The following FSTL5 variants were observed in gnomAD, a reference collection of about 807,000 sequenced individuals.
FSTL5 encodes the protein follistatin-related protein 5.
A neutral mutation model predicts 89.1 loss-of-function variants in FSTL5; 62 were observed. That is an observed-to-expected ratio of 0.70 (90% CI 0.57 to 0.86). The LOEUF is 0.86. FSTL5 is among the 40% of genes least tolerant of loss of function. FSTL5 has a pLI of 0.00. For synonymous variants in FSTL5, 383 were observed against 346.2 expected (o/e 1.11, Z -1.18); for missense variants, 1,057 against 1,001.6 (o/e 1.06, Z -0.75).
At chr4:161,779,821 A>ATGTATATATATATATATATATATATG (rs1267702879) in intron 4 of FSTL5, among the ~76,000 whole-genome samples, 12 of 63,352 alleles carry the variant, frequency 1.9e-4, no homozygotes, top group East Asian at 5.3e-4. Flanking sequence ...GTATATATAT[A>ATGTATATATATATATATATATATATG]TATATATATA....
At chr4:161,420,648 T>C (rs1731954221) in intron 15 of FSTL5, among the ~76,000 whole-genome samples, 1 of 151,718 alleles carries the variant, frequency 6.6e-6, no homozygotes, top group African/African-American at 2.4e-5. Context: ...ACCATATATA[T>C]GCTGTATATG....
At chr4:162,082,825 T>G (rs1579012743) in intron 2 of FSTL5, among the ~76,000 whole-genome samples, 1 of 151,602 alleles carries the variant, frequency 6.6e-6, no homozygotes, top group African/African-American at 2.4e-5. Flanking sequence ...TTTCTCTTTT[T>G]TTTTTTGGAG....
chr4:162,022,330 A>C lies in FSTL5; in HGVS notation c.160+11295T>G, dbSNP rs146212323. ...TATATTAAACATGATATGTCATACA[A>C]TCTATAATATTGCATTTCATATATT... On this transcript the variant is annotated intron_variant, in intron 3 of 15. Coordinates refer to ENST00000306100, the MANE Select transcript of FSTL5 (RefSeq NM_020116.5). 1.3e-3 allele frequency among the ~76,000 whole-genome samples: 190 copies of C among 151,980 alleles called. 2 individuals carry two copies. The highest frequency in any genetic ancestry group is 4.4e-3 in the African/African-American group (183 of 41,512).
At chr4:161,636,839 C>G (rs1735735239) in intron 7 of FSTL5, among the ~76,000 whole-genome samples, 1 of 119,292 alleles carries the variant, frequency 8.4e-6, no homozygotes, top group African/African-American at 3.5e-5. Context: ...ATATGTGCCA[C>G]ATTTTCTTAA....
In FSTL5 at chr4:161,571,054, A is replaced by G. The variant is rs538729256; in HGVS notation, c.1015+16401T>C. 1.8e-4 allele frequency among the ~76,000 whole-genome samples: 28 copies of G among 152,104 alleles called. 1 individual carries two copies. The South Asian group carries it at 5.6e-3, about 30-fold the overall frequency. On this transcript the variant is annotated intron_variant, in intron 8 of 15. Transcript: ENST00000306100. The stretch of plus-strand genomic sequence containing the variant: ...ATCACTTGAGGCGGAGGTTTCGGTG[A>G]GCCAAGATCACGCCACTGCATTCTA...
intron 2 of FSTL5, among the ~76,000 whole-genome samples, chr4:162,076,152 G>C (rs1191264360): frequency 6.6e-6 from 1 of 151,834 alleles, no homozygotes; most frequent in African/African-American, 2.4e-5. Flanking sequence ...AAATCTTTGA[G>C]GTGGCTAAAG....
At chr4:162,091,043 T>C (rs1018599577) in intron 2 of FSTL5, among the ~76,000 whole-genome samples, 2 of 152,180 alleles carry the variant, frequency 1.3e-5, no homozygotes, top group Non-Finnish European at 2.9e-5. Flanking sequence ...ATTTAATCAC[T>C]GACGATATTG....
intron 4 of FSTL5, among the ~76,000 whole-genome samples, chr4:161,812,674 G>T (rs1169882233): frequency 6.6e-6 from 1 of 152,008 alleles, no homozygotes; most frequent in Non-Finnish European, 1.5e-5. Flanking sequence ...GATAATCTCT[G>T]TTGAGCAGGC....
At chr4:162,016,515 G>C (rs955759589) in intron 3 of FSTL5, among the ~76,000 whole-genome samples, 1 of 152,144 alleles carries the variant, frequency 6.6e-6, no homozygotes, top group Admixed American at 6.5e-5. Flanking sequence ...ATAAGAAGTG[G>C]AGAAAATTTG....
At chr4:161,772,496 C>CA (rs72421551) in intron 5 of FSTL5, among the ~76,000 whole-genome samples, 59 of 151,988 alleles carry the variant, frequency 3.9e-4, no homozygotes, top group African/African-American at 1.4e-3. Context: ...ATGAATTCAG[C>CA]AGTTTCAGGA....
chr4:161,729,859 A>G (rs769322338), intron 6 of FSTL5, among the ~76,000 whole-genome samples: 6 of 152,316 alleles, frequency 3.9e-5, no homozygotes, highest in Admixed American at 6.5e-5. Context: ...TGTACTTCAC[A>G]GAGGATTCAA....
At chr4:161,568,547 C>T (rs1272463828) in intron 8 of FSTL5, among the ~76,000 whole-genome samples, 3 of 152,132 alleles carry the variant, frequency 2.0e-5, no homozygotes, top group South Asian at 4.2e-4. Context: ...GTAAGTTTTC[C>T]CCATAAATGA....
intron 6 of FSTL5, among the ~76,000 whole-genome samples, chr4:161,753,739 A>G (rs1209024411): frequency 1.3e-5 from 2 of 152,146 alleles, no homozygotes; most frequent in African/African-American, 2.4e-5. Context: ...TAACAAATCT[A>G]TATTGCATTA....
At chr4:161,811,631 AT>A (rs1448901267) in intron 4 of FSTL5, among the ~76,000 whole-genome samples, 2 of 152,148 alleles carry the variant, frequency 1.3e-5, no homozygotes, top group Admixed American at 1.3e-4. Flanking sequence ...CTACTTGTTG[AT>A]TATATCAAGC....
chr4:161,950,087 C>T (rs924451347), intron 3 of FSTL5, among the ~76,000 whole-genome samples: 27 of 152,050 alleles, frequency 1.8e-4, no homozygotes, highest in African/African-American at 6.5e-4. Flanking sequence ...ATGTGAATTT[C>T]TGAGTCAATA....
At chr4:161,959,305 A>T (rs1204924766) in intron 3 of FSTL5, among the ~76,000 whole-genome samples, 1 of 152,126 alleles carries the variant, frequency 6.6e-6, no homozygotes, top group African/African-American at 2.4e-5. Flanking sequence ...TTGATTTAAG[A>T]TACATATTTC....
intron 5 of FSTL5, among the ~76,000 whole-genome samples, chr4:161,759,919 A>G (rs947709883): frequency 2.0e-5 from 3 of 152,152 alleles, no homozygotes; most frequent in Non-Finnish European, 4.4e-5. Context: ...AAAATAAAAC[A>G]GTGGTCTTTC....
At chr4:161,673,598 G>A (rs1449723904) in intron 6 of FSTL5, among the ~76,000 whole-genome samples, 1 of 151,926 alleles carries the variant, frequency 6.6e-6, no homozygotes, top group East Asian at 1.9e-4. Context: ...CAACTCACAT[G>A]CAGATCCATT....
chr4:161,614,120 T>C (rs1045471146), intron 7 of FSTL5, among the ~76,000 whole-genome samples: 2 of 152,274 alleles, frequency 1.3e-5, no homozygotes, highest in South Asian at 4.1e-4. Flanking sequence ...CATAGTGCAG[T>C]TTTATCTTGG....
Sources: allele counts gnomAD v4.1 joint callset (sites outside exome capture counted in the v4.1 genomes callset), GRCh38; gene constraint gnomAD v4.1.1; transcripts MANE v1.5; gene names NCBI Gene and HGNC (gene_info 2026-07-23, HGNC 2026-07-21).